Variants in HHAT observed in about 807,000 individuals in gnomAD.
HHAT encodes the protein protein-cysteine N-palmitoyltransferase HHAT.
In HHAT, 47 loss-of-function variants were observed where a neutral mutation model predicts 70.8. The ratio of observed to expected loss-of-function variants is 0.66; its 90% confidence interval spans 0.53 to 0.85. The LOEUF (loss-of-function observed/expected upper bound fraction) is 0.85. Among genes scored for constraint, HHAT ranks in the 40% least tolerant of loss-of-function variants. The pLI, the probability that HHAT is intolerant of heterozygous loss-of-function variation, is 0.00. For missense variants in HHAT, 609 were observed against 604.8 expected, an observed-to-expected ratio of 1.01 and a Z score of -0.07; for synonymous variants, 228 against 247.6, an observed-to-expected ratio of 0.92 and a Z score of 0.74.
At chr1:210,435,393 C>A (rs768437461) in intron 7 of HHAT, among the ~76,000 whole-genome samples, 1 of 151,664 alleles carries the variant, frequency 6.6e-6, no homozygotes, top group Non-Finnish European at 1.5e-5. Context: ...AGGTTGATTG[C>A]ATATTTTGGT....
intron 9 of HHAT, among the ~76,000 whole-genome samples, chr1:210,558,648 T>G (rs2095594247): frequency 1.3e-5 from 2 of 152,228 alleles, no homozygotes; most frequent in Admixed American, 1.3e-4. Context: ...AGACAGAGCT[T>G]ACAGGCTTTG....
intron 7 of HHAT, among the ~76,000 whole-genome samples, chr1:210,446,983 A>G (rs540466171): frequency 6.6e-6 from 1 of 152,326 alleles, no homozygotes; most frequent in African/African-American, 2.4e-5. Flanking sequence ...TAGATAGCTA[A>G]TAATTGACAC....
At chr1:210,551,717 G>A (rs1287157137) in intron 9 of HHAT, among the ~76,000 whole-genome samples, 1 of 152,144 alleles carries the variant, frequency 6.6e-6, no homozygotes, top group African/African-American at 2.4e-5. Flanking sequence ...ATTTATTGAA[G>A]GGAAAACAAA....
chr1:210,593,111 T>G (rs1222600388), intron 10 of HHAT, among the ~76,000 whole-genome samples: 1 of 152,162 alleles, frequency 6.6e-6, no homozygotes. Flanking sequence ...TTCCCACCTA[T>G]AAGTGAGAAC....
At chr1:210,663,045 A>AGCAG (rs1234742125) in intron 11 of HHAT, among the ~76,000 whole-genome samples, 1 of 152,090 alleles carries the variant, frequency 6.6e-6, no homozygotes, top group Non-Finnish European at 1.5e-5. Context: ...CTCAGCCCTT[A>AGCAG]GCAGGGGCCA....
At chr1:210,662,635 A>G (rs975722768) in intron 11 of HHAT, among the ~76,000 whole-genome samples, 4 of 152,076 alleles carry the variant, frequency 2.6e-5, no homozygotes, top group African/African-American at 9.7e-5. Context: ...CAGGTCCCCT[A>G]CCTAGTTGTC....
chr1:210,427,948 G>T (rs1214439542), intron 7 of HHAT, among the ~76,000 whole-genome samples: 1 of 152,002 alleles, frequency 6.6e-6, no homozygotes, highest in Non-Finnish European at 1.5e-5. Context: ...AAGTCTCTAA[G>T]AACTTGTTTT....
At chr1:210,616,578 A>G (rs1427585791) in intron 10 of HHAT, among the ~76,000 whole-genome samples, 1 of 152,162 alleles carries the variant, frequency 6.6e-6, no homozygotes, top group African/African-American at 2.4e-5. Context: ...TGCACGACAT[A>G]TTTGTTGAAC....
At chr1:210,622,618 G>A (rs764169003) in intron 10 of HHAT, among the ~76,000 whole-genome samples, 8 of 152,204 alleles carry the variant, frequency 5.3e-5, no homozygotes, top group Non-Finnish European at 1.2e-4. Flanking sequence ...CCAGCCTTGA[G>A]TATTTCAGGC....
At chr1:210,428,160 A>G (rs557129301) in intron 7 of HHAT, among the ~76,000 whole-genome samples, 3 of 150,734 alleles carry the variant, frequency 2.0e-5, no homozygotes, top group African/African-American at 7.4e-5. Flanking sequence ...CAGTTTTACA[A>G]TGGAAGCATT....
chr1:210,668,833 G>A (rs910290824), intron 11 of HHAT, among the ~76,000 whole-genome samples: 44 of 152,228 alleles, frequency 2.9e-4, no homozygotes, highest in African/African-American at 1.1e-3. Context: ...GAGTGCAGTG[G>A]TGCAATCTCA....
At chr1:210,663,461 T>C (rs1171285764) in intron 11 of HHAT, among the ~76,000 whole-genome samples, 2 of 152,218 alleles carry the variant, frequency 1.3e-5, no homozygotes, top group African/African-American at 4.8e-5. Flanking sequence ...TGAGTTCTAA[T>C]GTCCAATGAG....
chr1:210,594,312 T>A (rs1662420072), intron 10 of HHAT, among the ~76,000 whole-genome samples: 1 of 152,182 alleles, frequency 6.6e-6, no homozygotes, highest in Non-Finnish European at 1.5e-5. Context: ...TTTTTGTGTA[T>A]CTGCAGTGTG....
intron 8 of HHAT, among the ~76,000 whole-genome samples, chr1:210,487,030 C>T (rs150190061): frequency 1.4e-3 from 215 of 152,302 alleles, no homozygotes; most frequent in African/African-American, 5.0e-3. Flanking sequence ...GTCTGTTCTT[C>T]ATACCTGTGA....
At chr1:210,641,391 G>A (rs2148912672) in intron 11 of HHAT, among the ~76,000 whole-genome samples, 1 of 152,252 alleles carries the variant, frequency 6.6e-6, no homozygotes, top group Non-Finnish European at 1.5e-5. Context: ...ATCCCCTTTA[G>A]AGTAACCAAT....
intron 8 of HHAT, among the ~76,000 whole-genome samples, chr1:210,492,201 C>T (rs141272467): frequency 5.1e-4 from 78 of 152,300 alleles, no homozygotes; most frequent in African/African-American, 1.9e-3. Context: ...TAGGTCAAGA[C>T]TCTTTTACTC....
At position 210,387,599 on chromosome 1, in the gene HHAT, G is replaced by A. The variant is rs1234657945; in HGVS notation, c.273+18G>A. 3 of 1,578,632 alleles carry A rather than the reference G, an allele frequency of 1.9e-6. No homozygotes were observed. Among genetic ancestry groups the A allele is most frequent in the South Asian group, 1.1e-5 (1 of 90,154 alleles). ...CAAGAAAGGTATGATTATATGTGTT[G>A]TTACCTTTTAAGTGTGTTTTTCCTT... On this transcript the variant is annotated intron_variant, in intron 4 of 11. Coordinates refer to ENST00000261458, the MANE Select transcript of HHAT (RefSeq NM_018194.6).
chr1:210,422,045 C>T (rs1302421737), intron 7 of HHAT, among the ~76,000 whole-genome samples: 1 of 152,024 alleles, frequency 6.6e-6, no homozygotes, highest in Non-Finnish European at 1.5e-5. Flanking sequence ...AAATATTCTC[C>T]ACTTTCTTCT....
chr1:210,449,616 T>G (rs1018337055), intron 7 of HHAT, among the ~76,000 whole-genome samples: 1 of 152,226 alleles, frequency 6.6e-6, no homozygotes, highest in Non-Finnish European at 1.5e-5. Context: ...TGCTCCTTCA[T>G]GGCTGTAATG....
Sources: allele counts gnomAD v4.1 joint callset (sites outside exome capture counted in the v4.1 genomes callset), GRCh38; gene constraint gnomAD v4.1.1; transcripts MANE v1.5; gene names NCBI Gene and HGNC (gene_info 2026-07-23, HGNC 2026-07-21).